Variants in OLFM2 observed in about 807,000 individuals in gnomAD.
The protein encoded by OLFM2 is noelin-2.
Under a neutral mutation model 43.9 loss-of-function variants are expected in OLFM2, and 20 were observed. That is an observed-to-expected ratio of 0.46 (90% CI 0.32 to 0.66). The LOEUF (loss-of-function observed/expected upper bound fraction) is 0.66, where lower values mean the gene tolerates loss of function less well. Among genes scored for constraint, OLFM2 ranks in the 30% least tolerant of loss-of-function variants. OLFM2 has a pLI of 0.04. For missense variants in OLFM2, 416 were observed against 643.6 expected, an observed-to-expected ratio of 0.65 and a Z score of 3.83; for synonymous variants, 268 against 278.6, an observed-to-expected ratio of 0.96 and a Z score of 0.38.
chr19:9,899,849 A>C (rs899212368), intron 1 of OLFM2, among the ~76,000 whole-genome samples: 1 of 151,068 alleles, frequency 6.6e-6, no homozygotes, highest in Non-Finnish European at 1.5e-5. Context: ...GAGCCACCAC[A>C]CCCGCCCCAC....
At chr19:9,916,649 C>G (rs2046878193) in intron 1 of OLFM2, among the ~76,000 whole-genome samples, 1 of 152,190 alleles carries the variant, frequency 6.6e-6, no homozygotes, top group Non-Finnish European at 1.5e-5. Flanking sequence ...CCCAAACAAA[C>G]TTTCTCACTC....
At chr19:9,876,201 C>T (rs1309767422) in intron 1 of OLFM2, among the ~76,000 whole-genome samples, 1 of 152,148 alleles carries the variant, frequency 6.6e-6, no homozygotes, top group Non-Finnish European at 1.5e-5. Context: ...CAGCCATCAG[C>T]GCCCGTGGTA....
At chr19:9,875,668 T>TGTC (rs1314843209) in intron 1 of OLFM2, among the ~76,000 whole-genome samples, 1 of 148,672 alleles carries the variant, frequency 6.7e-6, no homozygotes, top group Non-Finnish European at 1.5e-5. Context: ...TTGTTGTTGT[T>TGTC]GTTTTTCTTT....
intron 1 of OLFM2, among the ~76,000 whole-genome samples, chr19:9,889,065 C>CAA (rs35972487): frequency 4.4e-4 from 53 of 121,102 alleles, no homozygotes; most frequent in African/African-American, 9.9e-4. Flanking sequence ...GACTCCGTCT[C>CAA]AAAAAAAAAA....
intron 1 of OLFM2, among the ~76,000 whole-genome samples, chr19:9,896,717 C>G (rs1483536823): frequency 2.6e-5 from 4 of 152,060 alleles, no homozygotes; most frequent in African/African-American, 9.7e-5. Flanking sequence ...ATCAAATCTC[C>G]TTATTAGAAG....
At chr19:9,914,785 T>A (rs1040508616) in intron 1 of OLFM2, among the ~76,000 whole-genome samples, 2 of 151,870 alleles carry the variant, frequency 1.3e-5, no homozygotes, top group African/African-American at 4.8e-5. Flanking sequence ...AGCGCCGGGC[T>A]AGTTTTAATT....
chr19:9,863,726 C>T (rs954854713), intron 1 of OLFM2, among the ~76,000 whole-genome samples: 1 of 152,020 alleles, frequency 6.6e-6, no homozygotes, highest in African/African-American at 2.4e-5. Context: ...CTTTTTCTCT[C>T]CCACTCAATC....
Position 9,881,988 on chromosome 19 carries a change from G to A in OLFM2, c.64-21194C>T, listed in dbSNP as rs567876252. ...GGCTCACGCCTATAATCCCAACACCGTGGGAGGAGGCCGAGGCGGGTGGAT... is the reference window on the plus strand; with the variant it reads ...GGCTCACGCCTATAATCCCAACACCATGGGAGGAGGCCGAGGCGGGTGGAT... On this transcript the variant is annotated intron_variant, in intron 1 of 5. Transcript: ENST00000264833. 4.0e-4 allele frequency among the ~76,000 whole-genome samples: 61 copies of A among 152,108 alleles called. No homozygotes were observed. The South Asian group carries it at 9.1e-3, about 23-fold the overall frequency.
rs181512184 is a variant in OLFM2, at chr19:9,875,572, C to T, written c.64-14778G>A. On this transcript the variant is annotated intron_variant, in intron 1 of 5. Coordinates refer to ENST00000264833, the MANE Select transcript of OLFM2 (RefSeq NM_058164.4). ...GTGGCACGATCACGACTCACTGCAGCTTCGACTTCCCTGGCTCAGGTGATC... is the reference window on the plus strand; with the variant it reads ...GTGGCACGATCACGACTCACTGCAGTTTCGACTTCCCTGGCTCAGGTGATC... Among the ~76,000 whole-genome samples, 6 of 150,830 alleles carry T rather than the reference C, an allele frequency of 4.0e-5. No individual in the cohort carries two copies. In the East Asian group the frequency reaches 9.8e-4, roughly 25 times the overall value.
intron 1 of OLFM2, among the ~76,000 whole-genome samples, chr19:9,934,091 G>A (rs1463135138): frequency 1.3e-5 from 2 of 152,148 alleles, no homozygotes; most frequent in African/African-American, 4.8e-5. Flanking sequence ...AAGGACCCCT[G>A]GGCCCATCAG....
intron 1 of OLFM2, among the ~76,000 whole-genome samples, chr19:9,895,771 G>A (rs2046678112): frequency 6.6e-6 from 1 of 152,138 alleles, no homozygotes; most frequent in Non-Finnish European, 1.5e-5. Flanking sequence ...GAGTAGCTGG[G>A]ATTACAGGCC....
intron 1 of OLFM2, among the ~76,000 whole-genome samples, chr19:9,866,366 G>A (rs539498166): frequency 2.7e-4 from 41 of 152,266 alleles, no homozygotes; most frequent in Non-Finnish European, 5.1e-4. Context: ...GAGGAACAGA[G>A]AGTGTCCTAC....
At chr19:9,858,225 G>A (rs2046338388) in intron 2 of OLFM2, 2 of 338,736 alleles carry the variant, frequency 5.9e-6, no homozygotes, top group South Asian at 2.3e-5. Flanking sequence ...GGCTGGTCCT[G>A]CCCACCCCCC....
In OLFM2 at chr19:9,932,670, T is replaced by C. The variant is rs954153825; in HGVS notation, c.63+3634A>G. 4.6e-5 allele frequency among the ~76,000 whole-genome samples: 7 copies of C among 152,008 alleles called. No individual in the cohort carries two copies. In the South Asian group the frequency reaches 1.5e-3, roughly 31 times the overall value. On this transcript the variant is annotated intron_variant, in intron 1 of 5. Transcript: ENST00000264833. ...AGTGTGAAGTCCCTGAGGCACGTGA[T>C]CTAAACTGAATTATTCCTTCTCCCC... is the stretch of plus-strand genomic sequence containing the variant.
intron 1 of OLFM2, among the ~76,000 whole-genome samples, chr19:9,871,387 A>G (rs1285571162): frequency 1.3e-5 from 2 of 152,012 alleles, no homozygotes; most frequent in African/African-American, 2.4e-5. Flanking sequence ...CCCGAGCAAC[A>G]TGGTGAAACT....
chr19:9,858,081 TACCACC>T (rs2046337338), intron 2 of OLFM2: 3 of 622,680 alleles, frequency 4.8e-6, no homozygotes, highest in Admixed American at 2.3e-5. Flanking sequence ...CTGGTCCACC[TACCACC>T]ACCTCTCACC....
chr19:9,894,415 A>AATAATAC (rs1568378569), intron 1 of OLFM2, among the ~76,000 whole-genome samples: 2 of 98,708 alleles, frequency 2.0e-5, no homozygotes, highest in East Asian at 5.1e-4. Context: ...ATAATAATAA[A>AATAATAC]TAAATAAAAT....
intron 1 of OLFM2, among the ~76,000 whole-genome samples, chr19:9,902,034 A>T (rs530725201): frequency 1.3e-5 from 2 of 152,048 alleles, no homozygotes; most frequent in South Asian, 4.2e-4. Context: ...GACTATATAT[A>T]TATATATATT....
At chr19:9,907,397 G>A (rs1330817938) in intron 1 of OLFM2, among the ~76,000 whole-genome samples, 2 of 152,082 alleles carry the variant, frequency 1.3e-5, no homozygotes, top group African/African-American at 4.8e-5. Context: ...GATTGAGGGA[G>A]ATCGCAGTGG....
Sources: gnomAD v4.1 joint callset for allele counts (sites outside exome capture counted in the v4.1 genomes callset) on GRCh38, gnomAD v4.1.1 for gene constraint, MANE v1.5 for transcripts, NCBI Gene and HGNC (gene_info 2026-07-23, HGNC 2026-07-21) for gene names.